LRRTM4: variants seen among roughly 807,000 people sequenced by gnomAD.
The protein encoded by LRRTM4 is leucine-rich repeat transmembrane neuronal protein 4.
LRRTM4 carries 25 observed loss-of-function variants against 47.6 expected under a neutral mutation model. The ratio of observed to expected loss-of-function variants is 0.53; its 90% CI spans 0.38 to 0.73. LRRTM4 has a LOEUF of 0.73. LRRTM4 is among the 30% of genes least tolerant of loss of function. The pLI is 0.00. For missense variants in LRRTM4, 638 were observed against 713.4 expected (o/e 0.89, Z 1.20); for synonymous variants, 311 against 269.5 (o/e 1.15, Z -1.51).
At chr2:76,790,299 A>G (rs1007065786) in intron 3 of LRRTM4, among the ~76,000 whole-genome samples, 1 of 152,076 alleles carries the variant, frequency 6.6e-6, no homozygotes, top group African/African-American at 2.4e-5. Context: ...ATCTTCATGG[A>G]TTGCCTCTAT....
At chr2:77,060,557 A>C (rs1458925698) in intron 3 of LRRTM4, among the ~76,000 whole-genome samples, 1 of 152,176 alleles carries the variant, frequency 6.6e-6, no homozygotes, top group Non-Finnish European at 1.5e-5. Flanking sequence ...CCAGCATAAA[A>C]ACATGGGATT....
At chr2:77,300,446 C>A (rs1453199587) in intron 3 of LRRTM4, among the ~76,000 whole-genome samples, 2 of 152,040 alleles carry the variant, frequency 1.3e-5, no homozygotes, top group Non-Finnish European at 2.9e-5. Flanking sequence ...TGAGTTCTAC[C>A]AAAGACTAGA....
rs547000402 is a variant in LRRTM4 at position 77,499,511 on chromosome 2, G to A, written c.1551+18807C>T. Among the ~76,000 whole-genome samples, 21 of 151,958 alleles carry A rather than the reference G, an allele frequency of 1.4e-4. No individual in the cohort carries two copies. In the South Asian group the frequency reaches 4.3e-3, roughly 31 times the overall value. ...GATAGGAATAAAGAATTCAAAATAA[G>A]CTTCATTAGCTGCCTAGTTCTGCAA... On this transcript the variant is annotated intron_variant, in intron 3 of 3. Transcript: ENST00000409884.
chr2:77,048,806 T>G (rs980344121), intron 3 of LRRTM4, among the ~76,000 whole-genome samples: 1 of 151,880 alleles, frequency 6.6e-6, no homozygotes, highest in Non-Finnish European at 1.5e-5. Flanking sequence ...TATTTCAAAA[T>G]GTACAACAAA....
chr2:76,790,195 T>G (rs1223134713), intron 3 of LRRTM4, among the ~76,000 whole-genome samples: 1 of 152,184 alleles, frequency 6.6e-6, no homozygotes, highest in Admixed American at 6.5e-5. Context: ...CCACTACACT[T>G]CTGTTCTAGG....
intron 3 of LRRTM4, among the ~76,000 whole-genome samples, chr2:77,499,374 T>C (rs1207929978): frequency 6.6e-6 from 1 of 151,920 alleles, no homozygotes; most frequent in Non-Finnish European, 1.5e-5. Flanking sequence ...CTTAGCATTC[T>C]AAGTCCCTGA....
intron 3 of LRRTM4, among the ~76,000 whole-genome samples, chr2:77,176,559 C>T (rs548899532): frequency 6.6e-6 from 1 of 152,064 alleles, no homozygotes; most frequent in Non-Finnish European, 1.5e-5. Flanking sequence ...GGAAATGATG[C>T]TAATGATCAA....
At chr2:76,759,251 T>A (rs1345172273) in intron 3 of LRRTM4, among the ~76,000 whole-genome samples, 1 of 151,938 alleles carries the variant, frequency 6.6e-6, no homozygotes, top group Non-Finnish European at 1.5e-5. Context: ...AAAGCCGAGG[T>A]AGAAAAGCAC....
intron 3 of LRRTM4, among the ~76,000 whole-genome samples, chr2:77,099,619 T>C (rs1210130808): frequency 1.6e-5 from 2 of 123,454 alleles, no homozygotes; most frequent in Non-Finnish European, 3.2e-5. Context: ...GTATATTGGA[T>C]AGATGAATGT....
chr2:77,047,998 G>T (rs1300657261), intron 3 of LRRTM4, among the ~76,000 whole-genome samples: 7 of 151,928 alleles, frequency 4.6e-5, no homozygotes, highest in African/African-American at 1.7e-4. Context: ...GTTAAATAAG[G>T]TGATTATTTT....
intron 3 of LRRTM4, among the ~76,000 whole-genome samples, chr2:76,995,807 C>T (rs939112676): frequency 1.3e-4 from 20 of 152,108 alleles, no homozygotes; most frequent in African/African-American, 4.3e-4. Context: ...CAACTAGACA[C>T]ACATGGGTGA....
intron 3 of LRRTM4, among the ~76,000 whole-genome samples, chr2:77,489,354 T>C (rs1393472216): frequency 6.6e-6 from 1 of 152,236 alleles, no homozygotes; most frequent in African/African-American, 2.4e-5. Context: ...AGCAGTCTGC[T>C]TTTACTGTGA....
intron 3 of LRRTM4, among the ~76,000 whole-genome samples, chr2:76,946,416 A>G (rs1042412627): frequency 2.0e-5 from 3 of 151,812 alleles, no homozygotes; most frequent in African/African-American, 7.2e-5. Flanking sequence ...GAACTAATAT[A>G]TAATAAATAT....
chr2:76,784,865 T>C (rs1014803910), intron 3 of LRRTM4, among the ~76,000 whole-genome samples: 5 of 152,134 alleles, frequency 3.3e-5, no homozygotes, highest in African/African-American at 1.2e-4. Context: ...GCCCAGCATG[T>C]AGTGAATGCT....
intron 3 of LRRTM4, among the ~76,000 whole-genome samples, chr2:77,023,512 C>T (rs1307788493): frequency 6.6e-6 from 1 of 152,204 alleles, no homozygotes; most frequent in East Asian, 1.9e-4. Flanking sequence ...CCTTTTAATA[C>T]TGAATGTTTT....
intron 3 of LRRTM4, among the ~76,000 whole-genome samples, chr2:77,469,574 T>A (rs542046528): frequency 7.9e-5 from 12 of 152,320 alleles, no homozygotes; most frequent in Admixed American, 5.9e-4. Flanking sequence ...CATTTCCATC[T>A]GATTCCAGAA....
intron 3 of LRRTM4, among the ~76,000 whole-genome samples, chr2:76,842,389 T>G (rs1244310293): frequency 2.0e-5 from 3 of 152,188 alleles, no homozygotes; most frequent in Non-Finnish European, 1.5e-5. Context: ...TAATACATGT[T>G]TTAATAAATA....
chr2:77,506,584 G>A (rs73942771), intron 3 of LRRTM4, among the ~76,000 whole-genome samples: 1,738 of 151,884 alleles, frequency 0.011, 24 homozygotes, highest in African/African-American at 0.036. Flanking sequence ...AATAAATAAT[G>A]TTAGGGGTAT....
chr2:77,000,776 T>C (rs998559891), intron 3 of LRRTM4, among the ~76,000 whole-genome samples: 1 of 151,922 alleles, frequency 6.6e-6, no homozygotes, highest in Non-Finnish European at 1.5e-5. Flanking sequence ...ATTATTTAGA[T>C]TCTGCTCTCT....
Sources: allele counts gnomAD v4.1 joint callset (sites outside exome capture counted in the v4.1 genomes callset), GRCh38; gene constraint gnomAD v4.1.1; transcripts MANE v1.5; gene names NCBI Gene and HGNC (gene_info 2026-07-23, HGNC 2026-07-21).